NTM: variants seen among roughly 807,000 people sequenced by gnomAD.
NTM encodes neurotrimin, also known as IgLON family member 2.
NTM carries 13 observed loss-of-function variants against 42.1 expected under a neutral mutation model. That is an observed-to-expected ratio of 0.31 (90% CI 0.20 to 0.49). NTM has a LOEUF of 0.49. Among genes scored for constraint, NTM ranks in the 20% least tolerant of loss-of-function variants. The pLI is 0.99. For synonymous variants in NTM, 187 were observed against 179.2 expected (o/e 1.04, Z -0.35); for missense variants, 373 against 452.8 (o/e 0.82, Z 1.60).
chr11:131,552,784 C>G (rs1418834653), intron 1 of NTM, among the ~76,000 whole-genome samples: 1 of 149,170 alleles, frequency 6.7e-6, no homozygotes, highest in East Asian at 2.0e-4. Flanking sequence ...TGCCACTGCA[C>G]TCCAGCCTGG....
At chr11:131,730,383 C>T (rs959645659) in intron 1 of NTM, among the ~76,000 whole-genome samples, 2 of 152,092 alleles carry the variant, frequency 1.3e-5, no homozygotes, top group African/African-American at 4.8e-5. Flanking sequence ...AGTGAACATG[C>T]AGATGGGCAC....
At chr11:131,572,553 G>A (rs2057544001) in intron 1 of NTM, among the ~76,000 whole-genome samples, 1 of 152,062 alleles carries the variant, frequency 6.6e-6, no homozygotes, top group Non-Finnish European at 1.5e-5. Flanking sequence ...TGCCACTAAT[G>A]TTCATGTAGA....
chr11:131,739,509 T>G (rs533092947), intron 1 of NTM, among the ~76,000 whole-genome samples: 1 of 152,300 alleles, frequency 6.6e-6, no homozygotes, highest in African/African-American at 2.4e-5. Flanking sequence ...TCTGACCGGA[T>G]GGCAAGCCTC....
At chr11:131,988,698 A>G (rs1236994320) in intron 2 of NTM, among the ~76,000 whole-genome samples, 2 of 152,200 alleles carry the variant, frequency 1.3e-5, no homozygotes, top group Non-Finnish European at 2.9e-5. Flanking sequence ...GTGTGGTTCC[A>G]TAGGCAGTGC....
At chr11:132,169,199 C>T (rs1398196201) in intron 3 of NTM, among the ~76,000 whole-genome samples, 1 of 151,682 alleles carries the variant, frequency 6.6e-6, no homozygotes, top group Non-Finnish European at 1.5e-5. Context: ...GTTGAGTAAT[C>T]AGCTGTAGCC....
intron 1 of NTM, among the ~76,000 whole-genome samples, chr11:131,567,566 C>T (rs1385458155): frequency 6.6e-6 from 1 of 152,154 alleles, no homozygotes; most frequent in Non-Finnish European, 1.5e-5. Flanking sequence ...AAAGACGTGT[C>T]CTATTGGAAG....
At chr11:132,152,834 G>C (rs1285619824) in intron 3 of NTM, among the ~76,000 whole-genome samples, 1 of 152,234 alleles carries the variant, frequency 6.6e-6, no homozygotes, top group Non-Finnish European at 1.5e-5. Flanking sequence ...AAAAATGCCA[G>C]AGGAAAAGTT....
intron 1 of NTM, among the ~76,000 whole-genome samples, chr11:131,682,210 A>AAC (rs2073074317): frequency 6.6e-6 from 1 of 152,116 alleles, no homozygotes; most frequent in South Asian, 2.1e-4. Flanking sequence ...TTCCTCTGTG[A>AAC]GCTACTGATG....
intron 1 of NTM, among the ~76,000 whole-genome samples, chr11:131,885,205 C>T (rs756902103): frequency 5.3e-5 from 8 of 152,160 alleles, no homozygotes; most frequent in Non-Finnish European, 8.8e-5. Flanking sequence ...AAGCTGAGCA[C>T]CTAATGCATT....
At chr11:132,280,764 G>A (rs868134855) in intron 4 of NTM, among the ~76,000 whole-genome samples, 2 of 152,180 alleles carry the variant, frequency 1.3e-5, no homozygotes, top group South Asian at 4.2e-4. Context: ...GGGATTACAG[G>A]CCTGAGTCAC....
At chr11:131,557,474 A>G (rs1230668630) in intron 1 of NTM, among the ~76,000 whole-genome samples, 1 of 152,174 alleles carries the variant, frequency 6.6e-6, no homozygotes, top group Non-Finnish European at 1.5e-5. Flanking sequence ...TGACTGAGTG[A>G]TACTGCCAAG....
chr11:132,303,811 G>A (rs889682897), intron 4 of NTM, among the ~76,000 whole-genome samples: 3 of 152,078 alleles, frequency 2.0e-5, no homozygotes, highest in African/African-American at 4.8e-5. Context: ...AGCAGTGGCA[G>A]TGGTGGCGTG....
intron 1 of NTM, among the ~76,000 whole-genome samples, chr11:131,841,334 T>C (rs1013598373): frequency 1.3e-5 from 2 of 152,218 alleles, no homozygotes; most frequent in African/African-American, 4.8e-5. Context: ...TGGTTCTCCA[T>C]AGTGACCTCC....
At chr11:132,085,696 T>C (rs2059617724) in intron 2 of NTM, among the ~76,000 whole-genome samples, 1 of 152,190 alleles carries the variant, frequency 6.6e-6, no homozygotes, top group African/African-American at 2.4e-5. Flanking sequence ...TTTATAGATA[T>C]CATGCACATC....
At chr11:131,937,544 C>G (rs2059358449) in intron 2 of NTM, among the ~76,000 whole-genome samples, 2 of 152,112 alleles carry the variant, frequency 1.3e-5, no homozygotes, top group East Asian at 1.9e-4. Context: ...ATTTCTTGGT[C>G]AGAGGTGAAT....
chr11:131,544,285 A>G (rs1202192580), intron 1 of NTM, among the ~76,000 whole-genome samples: 1 of 152,216 alleles, frequency 6.6e-6, no homozygotes, highest in Non-Finnish European at 1.5e-5. Context: ...TTAAAATACT[A>G]CAGAAGCATA....
intron 1 of NTM, among the ~76,000 whole-genome samples, chr11:131,801,612 G>GT (rs2092117322): frequency 2.7e-5 from 4 of 150,942 alleles, no homozygotes; most frequent in Admixed American, 1.3e-4. Context: ...ATCTTGCTAT[G>GT]TAGACCCCTT....
chr11:132,312,535 G>T (rs2095310605), intron 6 of NTM: 1 of 154,688 alleles, frequency 6.5e-6, no homozygotes, highest in Admixed American at 6.5e-5. Context: ...ACAGAGAAGG[G>T]GAAAGCGTGT....
chr11:131,377,955 C>T (rs1270115225), intron 1 of NTM, among the ~76,000 whole-genome samples: 1 of 152,164 alleles, frequency 6.6e-6, no homozygotes, highest in Non-Finnish European at 1.5e-5. Context: ...ATACATTGCC[C>T]AACTTGATCT....
Sources: gnomAD v4.1 joint callset for allele counts (sites outside exome capture counted in the v4.1 genomes callset) on GRCh38, gnomAD v4.1.1 for gene constraint, MANE v1.5 for transcripts, NCBI Gene and HGNC (gene_info 2026-07-23, HGNC 2026-07-21) for gene names.